Variants in ATM observed in about 807,000 individuals in gnomAD.
The protein encoded by ATM is serine-protein kinase ATM.
A neutral mutation model predicts 387.0 loss-of-function variants in ATM; 308 were observed. The observed-to-expected ratio is 0.80, with a 90% CI of 0.73 to 0.87. ATM has a LOEUF of 0.87. Ranked by LOEUF, ATM falls within the 40% of genes least tolerant of loss-of-function variation. The pLI is 0.00. For missense variants in ATM, 3,312 were observed against 3,560.9 expected (o/e 0.93, Z 1.78); for synonymous variants, 1,156 against 1,187.3 (o/e 0.97, Z 0.54).
rs1021907990 is a variant in ATM at position 108,244,847 on chromosome 11, A to G, written c.722A>G (p.Lys241Arg). Residue 241 changes from lysine (K) to arginine (R), a missense_variant, in exon 7 of 63, where the codon AAG becomes AGG. Lys to Arg is a conservative substitution (Grantham distance 26, BLOSUM62 2). Transcript: ENST00000675843. ...TTAGCAGCTCTTACTATCTTCCTCA[A>G]GACTTTGGCTGTCAACTTTCGAATT... ...HILAALTIFLKTLAVNFRIRV... is the reference protein window; with the variant it reads ...HILAALTIFLRTLAVNFRIRV... 2 of 1,613,830 alleles carry G rather than the reference A, an allele frequency of 1.2e-6. No homozygotes were observed. Among genetic ancestry groups the G allele is most frequent in the African/African-American group, 1.3e-5 (1 of 74,910 alleles).
At position 108,295,268 on chromosome 11, in the gene ATM, G is replaced by A. The variant is rs2083060327; in HGVS notation, c.4909+209G>A. 4 of 581,340 alleles carry A rather than the reference G, an allele frequency of 6.9e-6. No individual in the cohort carries two copies. In the Admixed American group the frequency reaches 9.3e-5, roughly 13 times the overall value. The allele number at this position is 581,340 out of a possible 1,614,324, so 36.0% of individuals were successfully genotyped here. On this transcript the variant is annotated intron_variant, in intron 32 of 62. Coordinates refer to ENST00000675843, the MANE Select transcript of ATM (RefSeq NM_000051.4). ...CTGTTTTATTCATCCTCTGCCAGAT[G>A]ATTTCTCTAAACCCAAATATGATCA...
At chr11:108,254,358 A>T (rs1458149786) in intron 13 of ATM, among the ~76,000 whole-genome samples, 1 of 152,176 alleles carries the variant, frequency 6.6e-6, no homozygotes, top group African/African-American at 2.4e-5. Flanking sequence ...AAGGAGGGAA[A>T]TGTTACAGTA....
At chr11:108,275,179 T>G (rs1254642811) in intron 22 of ATM, among the ~76,000 whole-genome samples, 1 of 152,214 alleles carries the variant, frequency 6.6e-6, no homozygotes, top group Non-Finnish European at 1.5e-5. Context: ...AGACTAGGAT[T>G]GCAACCCTTG....
At chr11:108,354,078 C>CACACACAA (rs1555143109) in intron 60 of ATM, among the ~76,000 whole-genome samples, 198 bp downstream of exon 60, 2 of 149,322 alleles carry the variant, frequency 1.3e-5, no homozygotes, top group Admixed American at 6.6e-5. Flanking sequence ...CAAACACACA[C>CACACACAA]ACACACACAC....
chr11:108,324,800 T>A (rs2085488322), intron 45 of ATM, among the ~76,000 whole-genome samples: 1 of 152,236 alleles, frequency 6.6e-6, no homozygotes, highest in Admixed American at 6.5e-5. Context: ...TCTGTTCCTT[T>A]AATAATGTTG....
Position 108,250,782 on chromosome 11 carries a change from A to C in ATM, c.1317A>C (p.Leu439=). ...NCELSPLLMI[L]SQLLPQQRHG... is the part of the protein sequence containing the mutation. ...AGCTGTCTCCATTACTGATGATACT[A>C]TCTCAGCTTCTACCCCAACAGCGAC... The change falls in exon 10 of 63, where the codon CTA becomes CTC. Residue 439 remains leucine (L), a synonymous_variant. Transcript: ENST00000675843. 2 of 1,613,250 alleles carry C rather than the reference A, an allele frequency of 1.2e-6. No individual in the cohort carries two copies. The highest frequency in any genetic ancestry group is 1.7e-6 in the Non-Finnish European group (2 of 1,179,968).
Position 108,247,008 on chromosome 11 carries a change from T to C in ATM, c.946T>C (p.Tyr316His), listed in dbSNP as rs142317485. 2.5e-5 allele frequency: 40 copies of C among 1,612,996 alleles called. No individual in the cohort carries two copies. Among genetic ancestry groups the C allele is most frequent in the African/African-American group, 5.3e-5 (4 of 74,898 alleles). ...ATGGAGAAGTATTTTATACAACTTA[T>C]ATGATCTGCTAGTGAATGAGATAAG... ...TKWRSILYNL[Y>H]DLLVNEISHI... Residue 316 changes from tyrosine (Y) to histidine (H), a missense_variant, in exon 8 of 63, where the codon TAT becomes CAT. Tyr to His is a moderately conservative substitution (Grantham distance 83, BLOSUM62 2). Transcript: ENST00000675843.
intron 14 of ATM, 124 bp downstream of exon 14, chr11:108,256,464 T>C: frequency 2.1e-6 from 2 of 946,554 alleles, no homozygotes; most frequent in East Asian, 2.9e-5. Context: ...CTTTTATTTA[T>C]GTAATGTGAG....
intron 38 of ATM, chr11:108,309,114 A>C: frequency 1.8e-6 from 2 of 1,139,594 alleles, no homozygotes; most frequent in Non-Finnish European, 2.5e-6. Flanking sequence ...GGGTAAAGAC[A>C]TGCATTCAAG....
chr11:108,277,342 C>A (rs1319022878), intron 22 of ATM, among the ~76,000 whole-genome samples: 1 of 152,106 alleles, frequency 6.6e-6, no homozygotes, highest in Non-Finnish European at 1.5e-5. Context: ...CACTTGGCTC[C>A]CTGGCTTCAG....
rs2137937212 is a variant in ATM, at chr11:108,365,575, C to T, written c.*67C>T. On this transcript the variant is annotated 3_prime_UTR_variant, in exon 63 of 63. Coordinates refer to ENST00000675843, the MANE Select transcript of ATM (RefSeq NM_000051.4). ...TTATATTTTAGCCTTTATTTTTAAC[C>T]TGCCAACATACTTTAAGTAGGGATT... is the stretch of plus-strand genomic sequence containing the variant. The T allele has an allele frequency of 2.0e-6, 3 of 1,529,868 alleles. No homozygotes were observed. The highest frequency in any genetic ancestry group is 3.8e-5 in the Admixed American group (2 of 52,014). The allele number at this position is 1,529,868 out of a possible 1,614,324, so 94.8% of individuals were successfully genotyped here.
At chr11:108,256,886 A>G (rs2080527224) in intron 14 of ATM, among the ~76,000 whole-genome samples, 2 of 152,142 alleles carry the variant, frequency 1.3e-5, no homozygotes, top group Admixed American at 6.5e-5. Flanking sequence ...CATGGTGTAT[A>G]TGTGCCACAT....
At chr11:108,335,235 G>A (rs746000200) in intron 55 of ATM, 126 bp downstream of exon 55, 43 of 1,553,196 alleles carry the variant, frequency 2.8e-5, no homozygotes, top group Non-Finnish European at 3.6e-5. Flanking sequence ...AGGAAGATTT[G>A]TAGAGTAGAA....
At chr11:108,255,633 C>G (rs2080428260) in intron 13 of ATM, among the ~76,000 whole-genome samples, 1 of 152,094 alleles carries the variant, frequency 6.6e-6, no homozygotes, top group Non-Finnish European at 1.5e-5. Flanking sequence ...ACCACGTTAG[C>G]CAGGTTGGTC....
chr11:108,346,810 C>T (rs1398132258), intron 58 of ATM, among the ~76,000 whole-genome samples: 1 of 152,046 alleles, frequency 6.6e-6, no homozygotes, highest in African/African-American at 2.4e-5. Context: ...GGGGGATACA[C>T]ACCTGGTGAA....
Position 108,325,308 on chromosome 11 carries a change from A to G in ATM, c.6573-2A>G, listed in dbSNP as rs751168951. ...ACATGAACTCTATGTCGTGGCATTC[A>G]GATCAGTCACACATAGACAACTCTC... is the stretch of plus-strand genomic sequence containing the variant. On this transcript the variant is annotated splice_acceptor_variant, in intron 45 of 62. Transcript: ENST00000675843. LOFTEE classifies it high-confidence loss of function. The G allele has an allele frequency of 1.3e-6, 2 of 1,522,020 alleles. No homozygotes were observed. The highest frequency in any genetic ancestry group is 3.4e-5 in the Admixed American group (2 of 58,660). The allele number at this position is 1,522,020 out of a possible 1,614,324, so 94.3% of individuals were successfully genotyped here. A position where few individuals can be genotyped will look rare whatever the true frequency, so the allele number is the denominator to read the frequency against.
rs730881347 is a variant in ATM at position 108,257,607 on chromosome 11, G to A, written c.2376+1G>A. Reference sequence around the variant, plus strand: ...ACGTTGCTTGAGCAACTGTACCAAGGTAAGATTTTCTTCTTCTTGTTTTGT... The same window carrying A: ...ACGTTGCTTGAGCAACTGTACCAAGATAAGATTTTCTTCTTCTTGTTTTGT... On this transcript the variant is annotated splice_donor_variant, in intron 15 of 62. Transcript: ENST00000675843. LOFTEE classifies it high-confidence loss of function. 3 of 1,613,264 alleles carry A rather than the reference G, an allele frequency of 1.9e-6. No individual in the cohort carries two copies. Among genetic ancestry groups the A allele is most frequent in the Non-Finnish European group, 2.5e-6 (3 of 1,179,914 alleles).
intron 48 of ATM, among the ~76,000 whole-genome samples, chr11:108,328,231 G>T (rs985898628): frequency 6.6e-6 from 1 of 152,026 alleles, no homozygotes; most frequent in African/African-American, 2.4e-5. Flanking sequence ...TGAAACACAT[G>T]ATGCGATTGT....
At chr11:108,292,102 G>A (rs146429797) in intron 29 of ATM, among the ~76,000 whole-genome samples, 4 of 152,220 alleles carry the variant, frequency 2.6e-5, no homozygotes, top group Middle Eastern at 3.4e-3. Flanking sequence ...ACAGAGCTAC[G>A]CACTTTACAT....
Sources: allele counts gnomAD v4.1 joint callset (sites outside exome capture counted in the v4.1 genomes callset), GRCh38; gene constraint gnomAD v4.1.1; transcripts MANE v1.5; gene names NCBI Gene and HGNC (gene_info 2026-07-23, HGNC 2026-07-21).